The following ZMYM2 variants were observed in gnomAD, a reference collection of about 807,000 sequenced individuals.
ZMYM2 encodes the protein zinc finger MYM-type protein 2.
In ZMYM2, 56 loss-of-function variants were observed where a neutral mutation model predicts 162.8. That is an observed-to-expected ratio of 0.34 (90% CI 0.28 to 0.43). ZMYM2 has a LOEUF of 0.43. Among genes scored for constraint, ZMYM2 ranks in the 20% least tolerant of loss-of-function variants. ZMYM2 has a pLI of 1.00. For missense variants in ZMYM2, 1,275 were observed against 1,621.8 expected (o/e 0.79, Z 3.67); for synonymous variants, 510 against 541.6 (o/e 0.94, Z 0.81).
the ZMYM2 span, among the ~76,000 whole-genome samples, chr13:19,871,668 AAAAT>A: frequency 6.6e-6 from 1 of 152,208 alleles, no homozygotes; most frequent in Admixed American, 6.5e-5. Context: ...ATGCAGAAAA[AAAAT>A]CTCTTTAGCA....
the ZMYM2 span, among the ~76,000 whole-genome samples, chr13:19,870,598 T>TCC: frequency 1.4e-4 from 21 of 148,494 alleles, no homozygotes; most frequent in African/African-American, 4.8e-4. Flanking sequence ...CTTCCTTCCT[T>TCC]TCTTTCTTTC....
intron 12 of ZMYM2, among the ~76,000 whole-genome samples, chr13:20,040,624 T>C (rs1954161439): frequency 6.6e-6 from 1 of 152,162 alleles, no homozygotes; most frequent in Non-Finnish European, 1.5e-5. Context: ...CTAATTTTGG[T>C]TATTTCTTGT....
At chr13:19,889,896 G>A in the ZMYM2 span, among the ~76,000 whole-genome samples, 2 of 151,502 alleles carry the variant, frequency 1.3e-5, no homozygotes, top group African/African-American at 4.9e-5. Context: ...TTGTCATTAA[G>A]TTTCTGGCAT....
chr13:19,913,383 C>T, the ZMYM2 span, among the ~76,000 whole-genome samples: 205 of 152,196 alleles, frequency 1.3e-3, no homozygotes, highest in Middle Eastern at 0.014. Flanking sequence ...AGCAGCATTC[C>T]ATCATCAAAT....
At chr13:20,059,871 T>C (rs1566423099) in intron 16 of ZMYM2, among the ~76,000 whole-genome samples, 1 of 151,900 alleles carries the variant, frequency 6.6e-6, no homozygotes, top group African/African-American at 2.4e-5. Flanking sequence ...CTGTCTCTAC[T>C]AAAAATGTAA....
At chr13:19,934,491 T>A in the ZMYM2 span, among the ~76,000 whole-genome samples, 1 of 152,194 alleles carries the variant, frequency 6.6e-6, no homozygotes, top group South Asian at 2.1e-4. Context: ...ATTCGTCAAT[T>A]TGATATCTAT....
chr13:20,002,845 T>C lies in ZMYM2; in HGVS notation c.848-5T>C, dbSNP rs763585859. On this transcript the variant is annotated splice_polypyrimidine_tract_variant and splice_region_variant and intron_variant, in intron 3 of 24. Coordinates refer to ENST00000610343, the MANE Select transcript of ZMYM2 (RefSeq NM_197968.4). The stretch of plus-strand genomic sequence containing the variant: ...TTATTCTTTCTTGTGCATTTTGTTT[T>C]TAAGATTCTTGGATCTCCCAGTCAG... 1.9e-6 allele frequency: 3 copies of C among 1,610,380 alleles called. No homozygotes were observed. Among genetic ancestry groups the C allele is most frequent in the Non-Finnish European group, 1.7e-6 (2 of 1,177,598 alleles).
Position 20,085,837 on chromosome 13 carries a change from T to C in ZMYM2, c.3957T>C (p.Asn1319=), listed in dbSNP as rs879753471. 3.7e-6 allele frequency: 6 copies of C among 1,607,464 alleles called. No individual in the cohort carries two copies. The Admixed American group carries it at 1.0e-4, about 27-fold the overall frequency. ...GCCTCCAAAGTCCACAGAATCTTAA[T>C]CAGAGGATGGATGTTTTTTATTTGC... The part of the protein sequence containing the change: ...CYLSKSPQNL[N]QRMDVFYLQP... The change falls in exon 25 of 25, where the codon AAT becomes AAC. Residue 1319 remains asparagine (N), a synonymous_variant. Coordinates refer to ENST00000610343, the MANE Select transcript of ZMYM2 (RefSeq NM_197968.4).
intron 22 of ZMYM2, among the ~76,000 whole-genome samples, chr13:20,082,341 T>A (rs1382698887): frequency 1.3e-5 from 2 of 152,202 alleles, no homozygotes; most frequent in Admixed American, 6.5e-5. Context: ...AGAAATGTAA[T>A]CTACTTTCTC....
intron 2 of ZMYM2, among the ~76,000 whole-genome samples, chr13:19,987,111 CAAAAAAAAAAAAA>C (rs58588019): frequency 9.8e-5 from 4 of 40,962 alleles, no homozygotes; most frequent in South Asian, 8.7e-4. Flanking sequence ...GGCTCCGTCT[CAAAAAAAAAAAAA>C]AAAAAAAAAA....
the ZMYM2 span, among the ~76,000 whole-genome samples, chr13:19,903,237 G>A: frequency 6.6e-6 from 1 of 152,090 alleles, no homozygotes; most frequent in African/African-American, 2.4e-5. Context: ...GGAGGCTGAG[G>A]TGGGAGGATT....
chr13:19,949,847 A>G, the ZMYM2 span, among the ~76,000 whole-genome samples: 10 of 147,774 alleles, frequency 6.8e-5, no homozygotes, highest in African/African-American at 2.2e-4. Context: ...AGATCACGCC[A>G]CTGCACTCAA....
intron 12 of ZMYM2, among the ~76,000 whole-genome samples, chr13:20,044,551 G>T (rs150584590): frequency 1.4e-3 from 219 of 152,262 alleles, no homozygotes; most frequent in Non-Finnish European, 2.4e-3. Flanking sequence ...GCTGCGTCTA[G>T]TCAGCCATCT....
intron 2 of ZMYM2, chr13:19,970,096 A>G: frequency 1.0e-6 from 1 of 983,250 alleles, no homozygotes; most frequent in Non-Finnish European, 1.2e-6. Flanking sequence ...AAAGCCCTCT[A>G]CTCCATCTGT....
the ZMYM2 span, among the ~76,000 whole-genome samples, chr13:19,866,078 C>T: frequency 6.7e-6 from 1 of 150,114 alleles, no homozygotes. Flanking sequence ...ATGAATTGGC[C>T]GGGCACAATG....
the ZMYM2 span, chr13:19,864,064 G>A: frequency 6.6e-6 from 1 of 152,478 alleles, no homozygotes; most frequent in Admixed American, 6.5e-5. Flanking sequence ...CCCAAGCTGC[G>A]GCAGCGGCTC....
chr13:19,894,445 G>T, the ZMYM2 span, among the ~76,000 whole-genome samples: 3 of 151,228 alleles, frequency 2.0e-5, no homozygotes, highest in Middle Eastern at 0.01. Flanking sequence ...TCCCGGGTTC[G>T]AATGATTCTT....
intron 2 of ZMYM2, among the ~76,000 whole-genome samples, chr13:19,968,292 G>T (rs1166418996): frequency 6.6e-6 from 1 of 151,782 alleles, no homozygotes; most frequent in Non-Finnish European, 1.5e-5. Context: ...GCTCAAGCTG[G>T]AGCGCAATGG....
chr13:19,961,468 A>G (rs982747200), intron 2 of ZMYM2, among the ~76,000 whole-genome samples: 1 of 152,224 alleles, frequency 6.6e-6, no homozygotes, highest in Non-Finnish European at 1.5e-5. Context: ...AGTTCATCTC[A>G]GGCATCAGAT....
Sources: allele counts gnomAD v4.1 joint callset (sites outside exome capture counted in the v4.1 genomes callset), GRCh38; gene constraint gnomAD v4.1.1; transcripts MANE v1.5; gene names NCBI Gene and HGNC (gene_info 2026-07-23, HGNC 2026-07-21).